ABCC10: variants seen among roughly 807,000 people sequenced by gnomAD.
ABCC10 encodes ATP-binding cassette sub-family C member 10.
In ABCC10, 110 loss-of-function variants were observed where a neutral mutation model predicts 143.2. That is an observed-to-expected ratio of 0.77 (90% CI 0.66 to 0.90). The LOEUF (loss-of-function observed/expected upper bound fraction) is 0.90, where lower values mean the gene tolerates loss of function less well. Among genes scored for constraint, ABCC10 ranks in the 40% least tolerant of loss-of-function variants. The pLI is 0.00. For missense variants in ABCC10, 1,700 were observed against 1,900.5 expected, an observed-to-expected ratio of 0.89 and a Z score of 1.96; for synonymous variants, 805 against 846.7, an observed-to-expected ratio of 0.95 and a Z score of 0.85.
In ABCC10 at chr6:43,438,810, T is replaced by C; in HGVS notation, c.2127+15T>C. ...ATGACCTCAGTGTGAGTGCCTGGCC[T>C]TGAAACCTCTTAGCTGCCTGTTTCT... On this transcript the variant is annotated intron_variant, in intron 8 of 21. Coordinates refer to ENST00000372530, the MANE Select transcript of ABCC10 (RefSeq NM_001198934.2). 3 of 1,613,192 alleles carry C rather than the reference T, an allele frequency of 1.9e-6. No homozygotes were observed. In the East Asian group the frequency reaches 6.7e-5, roughly 36 times the overall value.
At position 43,434,786 on chromosome 6, in the gene ABCC10, G is replaced by A. The variant is rs780495030; in HGVS notation, c.1546G>A (p.Val516Ile). 97 of 1,614,178 alleles carry A rather than the reference G, an allele frequency of 6.0e-5. No homozygotes were observed. The South Asian group carries it at 8.9e-4, about 15-fold the overall frequency. ...ATACCTGTGGGCTGCCCTACCGGTTGTCATCTCCATCGTTATCTTCATCAC... is the reference window on the plus strand; with the variant it reads ...ATACCTGTGGGCTGCCCTACCGGTTATCATCTCCATCGTTATCTTCATCAC... ...CVYLWAALPVVISIVIFITYV... is the reference protein window; with the variant it reads ...CVYLWAALPVIISIVIFITYV... The change falls in exon 4 of 22, where the codon GTC (valine) becomes ATC (isoleucine). Residue 516 changes from valine (V) to isoleucine (I), a missense_variant. Val to Ile is a conservative substitution (Grantham distance 29). Transcript: ENST00000372530.
chr6:43,438,006 C>A lies in ABCC10; in HGVS notation c.1948C>A (p.Leu650Ile). Reference protein sequence around the residue: ...SSLLAAIAGELHRLRGHVAVR... With the variant: ...SSLLAAIAGEIHRLRGHVAVR... ...CCTGCTGGCTGCCATCGCTGGAGAGCTCCACAGGTAACCAACCTCCTATGC... is the reference window on the plus strand; with the variant it reads ...CCTGCTGGCTGCCATCGCTGGAGAGATCCACAGGTAACCAACCTCCTATGC... The change falls in exon 7 of 22, where the codon CTC (leucine) becomes ATC (isoleucine). Residue 650 changes from leucine to isoleucine, a missense_variant. Transcript: ENST00000372530. 1 of 1,612,310 alleles carries A rather than the reference C, an allele frequency of 6.2e-7. No individual in the cohort carries two copies. Among genetic ancestry groups the A allele is most frequent in the Non-Finnish European group, 8.5e-7 (1 of 1,179,288 alleles).
intron 4 of ABCC10, among the ~76,000 whole-genome samples, chr6:43,435,403 C>G (rs1233187783): frequency 6.6e-6 from 1 of 152,066 alleles, no homozygotes. Flanking sequence ...TGTGGTGATG[C>G]ATGCCTGTGA....
intron 2 of ABCC10, chr6:43,431,904 A>G: frequency 7.3e-7 from 1 of 1,369,592 alleles, no homozygotes; most frequent in Non-Finnish European, 9.4e-7. Flanking sequence ...GTAGTTTAGA[A>G]AATGAGTTAG....
chr6:43,434,471 G>T, intron 3 of ABCC10, 150 bp from the exon 4 acceptor site: 1 of 717,468 alleles, frequency 1.4e-6, no homozygotes, highest in Non-Finnish European at 2.3e-6. Flanking sequence ...AAAGTACTGA[G>T]GTGAGGAAGA....
intron 16 of ABCC10, 56 bp from the exon 17 acceptor site, chr6:43,447,192 C>G: frequency 1.3e-6 from 2 of 1,580,162 alleles, no homozygotes; most frequent in East Asian, 4.5e-5. Context: ...TGGGGAGTCT[C>G]CCACAAACGT....
Position 43,437,943 on chromosome 6 carries a change from G to C in ABCC10, c.1885G>C (p.Val629Leu), listed in dbSNP as rs146248207. Reference sequence around the variant, plus strand: ...TGTGGCTTCCTTGCAGGGTATGCTGGTGGGCATCGTGGGGAAGGTCGGCTG... The same window carrying C: ...TGTGGCTTCCTTGCAGGGTATGCTGCTGGGCATCGTGGGGAAGGTCGGCTG... The part of the protein sequence containing the change: ...SHLEVKKGML[V>L]GIVGKVGCGK... Residue 629 changes from valine (V) to leucine (L), a missense_variant, in exon 7 of 22, where the codon GTG becomes CTG. By Grantham distance (32) the Val-to-Leu change is conservative. Transcript: ENST00000372530. 50 of 1,612,944 alleles carry C rather than the reference G, an allele frequency of 3.1e-5. No individual in the cohort carries two copies. In the African/African-American group the frequency reaches 6.1e-4, roughly 20 times the overall value.
At chr6:43,431,239 G>A (rs1280905190) in intron 2 of ABCC10, among the ~76,000 whole-genome samples, 1 of 152,234 alleles carries the variant, frequency 6.6e-6, no homozygotes, top group African/African-American at 2.4e-5. Flanking sequence ...TATAAAAGCT[G>A]TATGTAAGTC....
downstream of ABCC10, chr6:43,451,379 C>T: frequency 7.3e-7 from 1 of 1,377,914 alleles, no homozygotes; most frequent in Non-Finnish European, 9.7e-7. This position sits in a 1 kb window ranked among gnomAD's most constrained non-coding sequence, Gnocchi z 4.4. Context: ...TTGGGCTACA[C>T]ACTCCGAGCC....
intron 11 of ABCC10, 74 bp from the exon 12 acceptor site, chr6:43,444,085 C>G (rs1321488517): frequency 1.9e-6 from 3 of 1,608,554 alleles, no homozygotes; most frequent in East Asian, 2.2e-5. Context: ...AACGGCTGCC[C>G]GCTCCTCTGA....
intron 6 of ABCC10, among the ~76,000 whole-genome samples, chr6:43,437,142 TTC>T (rs1781810927): frequency 6.6e-6 from 1 of 152,156 alleles, no homozygotes; most frequent in Admixed American, 6.5e-5. Context: ...CCTGGTTCTC[TTC>T]TCTCTGTGGA....
At position 43,443,841 on chromosome 6, in the gene ABCC10, A is replaced by G. The variant is rs1782732868; in HGVS notation, c.2417-92A>G. The G allele has an allele frequency of 1.5e-6, 2 of 1,317,550 alleles. No homozygotes were observed. Among genetic ancestry groups the G allele is most frequent in the East Asian group, 2.3e-5 (1 of 43,230 alleles). The allele number at this position is 1,317,550 out of a possible 1,614,324, so 81.6% of individuals were successfully genotyped here. A position where few individuals can be genotyped will look rare whatever the true frequency, so the allele number is the denominator to read the frequency against. On this transcript the variant is annotated intron_variant, in intron 10 of 21. Transcript: ENST00000372530. This position sits in a 1 kb window ranked among gnomAD's most constrained non-coding sequence, Gnocchi z 4.2. ...AGGGTGGGTTAGACGGGGAGGCCTG[A>G]GAGGATGAGAGGTGGGATCTGCACA... is the stretch of plus-strand genomic sequence containing the variant.
rs1581709317 is a variant in ABCC10, at chr6:43,432,962, CTG to C, written c.983_984del (p.Leu328ArgfsTer19). 1.2e-6 allele frequency: 2 copies of C among 1,614,188 alleles called. No individual in the cohort carries two copies. Among genetic ancestry groups the C allele is most frequent in the Non-Finnish European group, 8.5e-7 (1 of 1,180,030 alleles). On this transcript the variant is annotated frameshift_variant, in exon 3 of 22. Transcript: ENST00000372530. LOFTEE classifies it high-confidence loss of function. ...ACTAAGCCACGGCCTGCTCTATGCT[CTG>C]GGGCTAGCCGGTGGGGCTGTGCTGG... ...EPLSHGLLYALGLAGGAVLGA... is the reference protein window; with the variant it reads ...EPLSHGLLYAXGLAGGAVLGA...
downstream of ABCC10, chr6:43,450,531 C>T: frequency 6.5e-7 from 1 of 1,534,316 alleles, no homozygotes. This position sits in a 1 kb window ranked among gnomAD's most constrained non-coding sequence, Gnocchi z 4.5. Flanking sequence ...AGAAAGCCCC[C>T]ACCTCCATCA....
Position 43,432,126 on chromosome 6 carries a change from T to C in ABCC10, c.162-16T>C, listed in dbSNP as rs1440074549. On this transcript the variant is annotated splice_polypyrimidine_tract_variant and intron_variant, in intron 2 of 21. Coordinates refer to ENST00000372530, the MANE Select transcript of ABCC10 (RefSeq NM_001198934.2). ...TCAGCCACGATGTGCCTCCTTGTCT[T>C]CCCCCTTGTCCCCAGGAGTCCAGAT... The C allele has an allele frequency of 6.2e-7, 1 of 1,611,714 alleles. No individual in the cohort carries two copies. The highest frequency in any genetic ancestry group is 1.1e-5 in the South Asian group (1 of 90,972).
chr6:43,445,282 C>T lies in ABCC10; in HGVS notation c.2998C>T (p.Leu1000=), dbSNP rs756785303. 3 of 1,614,000 alleles carry T rather than the reference C, an allele frequency of 1.9e-6. No individual in the cohort carries two copies. The highest frequency in any genetic ancestry group is 3.3e-5 in the Admixed American group (2 of 60,012). Residue 1000 remains leucine, a synonymous_variant, in exon 14 of 22, where the codon CTG becomes TTG. Coordinates refer to ENST00000372530, the MANE Select transcript of ABCC10 (RefSeq NM_001198934.2). ...AGGCACCCTTCAAGCAGCTGCCACTCTGCATCGCCGCCTGCTGCATCGAGT... is the reference window on the plus strand; with the variant it reads ...AGGCACCCTTCAAGCAGCTGCCACTTTGCATCGCCGCCTGCTGCATCGAGT... ...AAGTLQAAAT[L]HRRLLHRVLM... is the part of the protein sequence containing the mutation.
Position 43,447,201 on chromosome 6 carries a change from G to T in ABCC10, c.3545-47G>T, listed in dbSNP as rs763933408. 2.5e-6 allele frequency: 4 copies of T among 1,590,754 alleles called. No individual in the cohort carries two copies. The South Asian group carries it at 4.5e-5, about 18-fold the overall frequency. On this transcript the variant is annotated intron_variant, in intron 16 of 21. Transcript: ENST00000372530. ...ACAGCCTGGGGAGTCTCCCACAAAC[G>T]TCCCGGTGTCCAAGCTCTCCCAGCA...
At chr6:43,450,801 C>G, downstream of ABCC10, 1 of 1,614,248 alleles carries the variant, frequency 6.2e-7, no homozygotes. This position sits in a 1 kb window ranked among gnomAD's most constrained non-coding sequence, Gnocchi z 4.5. Context: ...AGCCTCTTGC[C>G]TCCGCACCAC....
Position 43,444,818 on chromosome 6 carries a change from C to G in ABCC10, c.2720C>G (p.Ser907Cys). The G allele has an allele frequency of 6.2e-7, 1 of 1,610,226 alleles. No homozygotes were observed. Among genetic ancestry groups the G allele is most frequent in the Non-Finnish European group, 8.5e-7 (1 of 1,178,346 alleles). The change falls in exon 13 of 22, where the codon TCC (serine) becomes TGC (cysteine). Residue 907 changes from serine to cysteine, a missense_variant. By Grantham distance (112) the Ser-to-Cys change is moderately radical. Transcript: ENST00000372530. Reference protein sequence around the residue: ...ATRNAADWWLSHWISQLKAEN... With the variant: ...ATRNAADWWLCHWISQLKAEN... The stretch of plus-strand genomic sequence containing the variant: ...CGGAACGCTGCTGACTGGTGGCTCT[C>G]CCACTGGATCTCTCAGCTGAAGGCT...
Sources: allele counts gnomAD v4.1 joint callset (sites outside exome capture counted in the v4.1 genomes callset), GRCh38; gene constraint gnomAD v4.1.1; non-coding constraint Gnocchi (gnomAD v3.1); transcripts MANE v1.5; gene names NCBI Gene and HGNC (gene_info 2026-07-23, HGNC 2026-07-21).